The following CREB5 variants were observed in gnomAD, a reference collection of about 807,000 sequenced individuals.
CREB5 encodes the protein cAMP responsive element binding protein 5.
In CREB5, 19 loss-of-function variants were observed where a neutral mutation model predicts 57.1. The ratio of observed to expected loss-of-function variants is 0.33; its 90% CI spans 0.23 to 0.49. The LOEUF is 0.49. CREB5 is among the 20% of genes least tolerant of loss of function. The pLI is 0.99. For missense variants in CREB5, 579 were observed against 671.6 expected (o/e 0.86, Z 1.52); for synonymous variants, 238 against 238.3 (o/e 1.00, Z 0.01).
rs1415054920 is a variant in CREB5, at chr7:28,645,554, G to A, written c.465-73199G>A. Among the ~76,000 whole-genome samples the A allele has an allele frequency of 4.6e-5, 7 of 152,302 alleles. No homozygotes were observed. In the East Asian group the frequency reaches 1.3e-3, roughly 29 times the overall value. Reference sequence around the variant, plus strand: ...ATTATAAAATACAGAAATGTGCAGAGAGACAGAGAATATTTAATCATATGT... The same window carrying A: ...ATTATAAAATACAGAAATGTGCAGAAAGACAGAGAATATTTAATCATATGT... On this transcript the variant is annotated intron_variant, in intron 5 of 10. Coordinates refer to ENST00000357727, the MANE Select transcript of CREB5 (RefSeq NM_182898.4).
At position 28,542,106 on chromosome 7, in the gene CREB5, A is replaced by G. The variant is rs149890790; in HGVS notation, c.292-28259A>G. On this transcript the variant is annotated intron_variant, in intron 4 of 10. Coordinates refer to ENST00000357727, the MANE Select transcript of CREB5 (RefSeq NM_182898.4). ...AACGTTTGACAAGGGCTTACTTTGT[A>G]CCTGGACTCTGTACTAAGCATTAAC... is the stretch of plus-strand genomic sequence containing the variant. Among the ~76,000 whole-genome samples, 658 of 152,312 alleles carry G rather than the reference A, an allele frequency of 4.3e-3. 7 individuals carry two copies. Among genetic ancestry groups the G allele is most frequent in the African/African-American group, 0.015 (644 of 41,580 alleles).
chr7:28,335,836 G>A (rs980081152), intron 1 of CREB5, among the ~76,000 whole-genome samples: 1 of 151,982 alleles, frequency 6.6e-6, no homozygotes, highest in African/African-American at 2.4e-5. Context: ...CTAGTTGTGG[G>A]TCTGTTGTAT....
At chr7:28,502,820 T>A (rs1308000261) in intron 3 of CREB5, among the ~76,000 whole-genome samples, 4 of 152,228 alleles carry the variant, frequency 2.6e-5, no homozygotes, top group Non-Finnish European at 5.9e-5. Flanking sequence ...TTTTCTTTTT[T>A]AAATTGGTGA....
At chr7:28,319,002 C>T (rs980393614) in intron 1 of CREB5, among the ~76,000 whole-genome samples, 1 of 152,130 alleles carries the variant, frequency 6.6e-6, no homozygotes, top group Non-Finnish European at 1.5e-5. Flanking sequence ...TAAAGGAAGC[C>T]CGCTTATCTG....
exon 1 of CREB5, chr7:28,299,341 T>C (rs1785061582): frequency 1.3e-5 from 2 of 152,118 alleles, no homozygotes; most frequent in African/African-American, 4.8e-5. Flanking sequence ...ATCCAAGGAG[T>C]GGAGCAAGAG....
At chr7:28,724,473 C>T (rs929137152) in intron 7 of CREB5, 141 bp downstream of exon 7, 2 of 662,170 alleles carry the variant, frequency 3.0e-6, no homozygotes, top group Admixed American at 2.5e-5. Context: ...GAGACTGCCT[C>T]TCTTTTTGAG....
intron 1 of CREB5, among the ~76,000 whole-genome samples, chr7:28,302,068 T>C (rs1181989745): frequency 3.3e-5 from 5 of 152,116 alleles, no homozygotes; most frequent in Admixed American, 1.3e-4. Context: ...AATATTTGAG[T>C]GGCCTATGTG....
At position 28,818,175 on chromosome 7, in the gene CREB5, T is replaced by G; in HGVS notation, c.1359T>G (p.Tyr453Ter). 8.1e-6 allele frequency: 13 copies of G among 1,607,438 alleles called. No individual in the cohort carries two copies. The highest frequency in any genetic ancestry group is 1.1e-5 in the Non-Finnish European group (13 of 1,176,132). The change falls in exon 10 of 11, where the codon TAT becomes TAG. Residue 453 changes from tyrosine to a stop codon, truncating the protein, a stop_gained. Coordinates refer to ENST00000357727, the MANE Select transcript of CREB5 (RefSeq NM_182898.4). LOFTEE classifies it high-confidence loss of function. Reference sequence around the variant, plus strand: ...CCATGCAGAAAGAATCACAAGGATATCTAAGTAAGTCGCCGACTTTTTCAC... The same window carrying G: ...CCATGCAGAAAGAATCACAAGGATAGCTAAGTAAGTCGCCGACTTTTTCAC... ...ITAMQKESQG[Y>*]LSPESSPPAS... is the part of the protein sequence containing the mutation.
intron 1 of CREB5, among the ~76,000 whole-genome samples, chr7:28,317,688 A>T (rs935680710): frequency 3.5e-4 from 53 of 152,260 alleles, no homozygotes; most frequent in Non-Finnish European, 4.3e-4. Context: ...TAAATTAGGT[A>T]ATCTATGTAA....
At position 28,392,772 on chromosome 7, in the gene CREB5, T is replaced by C. The variant is rs972150053; in HGVS notation, c.-25+93331T>C. Among the ~76,000 whole-genome samples, 3 of 152,186 alleles carry C rather than the reference T, an allele frequency of 2.0e-5. No individual in the cohort carries two copies. In the East Asian group the frequency reaches 5.8e-4, roughly 29 times the overall value. On this transcript the variant is annotated intron_variant, in intron 1 of 9. Coordinates refer to the CREB5 transcript ENST00000396299. ...AGGAGGACAGAAGAGATTTTCGAGGTACAGGTTACACCTTAGTCCCGTAAC... is the reference window on the plus strand; with the variant it reads ...AGGAGGACAGAAGAGATTTTCGAGGCACAGGTTACACCTTAGTCCCGTAAC...
At chr7:28,450,195 A>C (rs1032579751) in intron 1 of CREB5, among the ~76,000 whole-genome samples, 3 of 152,194 alleles carry the variant, frequency 2.0e-5, no homozygotes, top group African/African-American at 7.2e-5. Context: ...TTGATTGATG[A>C]ATCCTGTTGT....
chr7:28,745,707 A>C (rs1446674896), intron 7 of CREB5, among the ~76,000 whole-genome samples: 1 of 152,210 alleles, frequency 6.6e-6, no homozygotes, highest in African/African-American at 2.4e-5. Flanking sequence ...CTGCTGTTCT[A>C]GCAACAGGCC....
At chr7:28,557,172 G>A (rs1794913125) in intron 4 of CREB5, among the ~76,000 whole-genome samples, 1 of 128,926 alleles carries the variant, frequency 7.8e-6, no homozygotes, top group Admixed American at 7.2e-5. Flanking sequence ...AGATGTTAAA[G>A]TAGTCAAACT....
intron 1 of CREB5, among the ~76,000 whole-genome samples, chr7:28,407,476 A>G (rs952054416): frequency 5.4e-5 from 8 of 148,410 alleles, no homozygotes; most frequent in Non-Finnish European, 1.2e-4. Context: ...TAAAATTTGA[A>G]TTCAGGCAGG....
chr7:28,615,818 A>C (rs1394941388), intron 5 of CREB5: 1 of 152,176 alleles, frequency 6.6e-6, no homozygotes, highest in East Asian at 1.9e-4. Context: ...CAGGTTCGTG[A>C]CCCTGGCCCT....
intron 5 of CREB5, among the ~76,000 whole-genome samples, chr7:28,636,212 G>A (rs1798411992): frequency 6.6e-6 from 1 of 152,144 alleles, no homozygotes; most frequent in East Asian, 1.9e-4. Flanking sequence ...GCTATGGCCA[G>A]AAGCCAGAGT....
chr7:28,822,755 A>G lies in CREB5; in HGVS notation c.*3476A>G, dbSNP rs1026019418. The stretch of plus-strand genomic sequence containing the variant: ...ATTGTTTCTCCTTGACACATTTCTC[A>G]ATCCACGAAGCCAGGAGAGGTAGAG... On this transcript the variant is annotated 3_prime_UTR_variant, in exon 11 of 11. Transcript: ENST00000357727. The G allele has an allele frequency of 1.3e-5, 2 of 152,532 alleles. No homozygotes were observed. Among genetic ancestry groups the G allele is most frequent in the African/African-American group, 4.8e-5 (2 of 41,420 alleles). 9.4% of individuals were successfully genotyped at this position (152,532 alleles called of 1,614,324 possible). A position where few individuals can be genotyped will look rare whatever the true frequency, so the allele number is the denominator to read the frequency against.
At chr7:28,657,767 A>C (rs970152321) in intron 5 of CREB5, among the ~76,000 whole-genome samples, 1 of 150,456 alleles carries the variant, frequency 6.6e-6, no homozygotes, top group African/African-American at 2.4e-5. Flanking sequence ...GCACTATTCT[A>C]GTCATTATGT....
intron 6 of CREB5, among the ~76,000 whole-genome samples, chr7:28,722,972 T>C (rs1200905196): frequency 6.6e-6 from 1 of 152,222 alleles, no homozygotes; most frequent in East Asian, 1.9e-4. Context: ...AAGAGACCTT[T>C]AAGGGTCATT....
Sources: gnomAD v4.1 joint callset for allele counts (sites outside exome capture counted in the v4.1 genomes callset) on GRCh38, gnomAD v4.1.1 for gene constraint, MANE v1.5 for transcripts, NCBI Gene and HGNC (gene_info 2026-07-23, HGNC 2026-07-21) for gene names.